LRFN5: variants seen among roughly 807,000 people sequenced by gnomAD.
LRFN5 encodes the protein leucine rich repeat and fibronectin type III domain containing 5, also known as leucine-rich repeat and fibronectin type-III domain-containing protein 5.
Under a neutral mutation model 45.6 loss-of-function variants are expected in LRFN5, and 24 were observed. The observed-to-expected ratio is 0.53, with a 90% CI of 0.38 to 0.74. The LOEUF is 0.74. Ranked by LOEUF, LRFN5 falls within the 30% of genes least tolerant of loss-of-function variation. LRFN5 has a pLI of 0.00. For missense variants in LRFN5, 776 were observed against 861.5 expected, an observed-to-expected ratio of 0.90 and a Z score of 1.24; for synonymous variants, 340 against 313.8, an observed-to-expected ratio of 1.08 and a Z score of -0.88.
At chr14:41,862,478 CTTT>C (rs922560717) in intron 2 of LRFN5, among the ~76,000 whole-genome samples, 3 of 151,944 alleles carry the variant, frequency 2.0e-5, no homozygotes, top group African/African-American at 7.2e-5. Flanking sequence ...TGAATTCCTT[CTTT>C]TTTTTCGTGA....
At chr14:41,824,605 C>A (rs191833443) in intron 2 of LRFN5, among the ~76,000 whole-genome samples, 1 of 152,262 alleles carries the variant, frequency 6.6e-6, no homozygotes, top group East Asian at 1.9e-4. Flanking sequence ...TGTAGTTCTA[C>A]CTCCAGGCCA....
intron 2 of LRFN5, among the ~76,000 whole-genome samples, chr14:41,841,784 A>G (rs966059038): frequency 6.6e-6 from 1 of 151,920 alleles, no homozygotes; most frequent in South Asian, 2.1e-4. Context: ...ATATCAGCCC[A>G]TCAGATCTTA....
At chr14:41,654,007 T>C (rs926132297) in intron 1 of LRFN5, among the ~76,000 whole-genome samples, 8 of 151,712 alleles carry the variant, frequency 5.3e-5, no homozygotes, top group Non-Finnish European at 8.8e-5. Context: ...ATGAGAACAC[T>C]TGGGCACAGG....
chr14:41,808,872 G>A (rs982580848), intron 2 of LRFN5, among the ~76,000 whole-genome samples: 1 of 151,952 alleles, frequency 6.6e-6, no homozygotes, highest in East Asian at 1.9e-4. Context: ...TCCTAATCAC[G>A]ACCCTGCATT....
chr14:41,739,360 G>C (rs77540502), intron 1 of LRFN5, among the ~76,000 whole-genome samples: 1 of 151,720 alleles, frequency 6.6e-6, no homozygotes, highest in Non-Finnish European at 1.5e-5. Context: ...ACTCCAGCCT[G>C]AGTGGCAGAG....
chr14:41,883,542 T>C (rs1468658918), intron 2 of LRFN5, among the ~76,000 whole-genome samples: 1 of 152,170 alleles, frequency 6.6e-6, no homozygotes, highest in Non-Finnish European at 1.5e-5. Context: ...TCTTACCTTG[T>C]TTTCATCTTT....
At chr14:41,680,488 C>T (rs559078865) in intron 1 of LRFN5, among the ~76,000 whole-genome samples, 87 of 152,292 alleles carry the variant, frequency 5.7e-4, no homozygotes, top group African/African-American at 1.6e-3. Context: ...CAAGGGAATT[C>T]TTCCAGATCT....
chr14:41,653,352 T>C (rs1000307398), intron 1 of LRFN5, among the ~76,000 whole-genome samples: 1 of 152,162 alleles, frequency 6.6e-6, no homozygotes, highest in Admixed American at 6.6e-5. Context: ...AGGTGTAAGG[T>C]AGGGTTCAGT....
intron 2 of LRFN5, among the ~76,000 whole-genome samples, chr14:41,795,787 GA>G (rs1210147086): frequency 2.0e-5 from 3 of 151,894 alleles, no homozygotes; most frequent in Non-Finnish European, 2.9e-5. Context: ...AGGTTGGGGG[GA>G]GGGGGGAGGA....
intron 2 of LRFN5, among the ~76,000 whole-genome samples, chr14:41,783,336 T>C (rs548874270): frequency 3.9e-5 from 6 of 152,122 alleles, no homozygotes; most frequent in Non-Finnish European, 7.4e-5. Flanking sequence ...CAGCTGCTGC[T>C]CCAGGTAAGC....
intron 1 of LRFN5, among the ~76,000 whole-genome samples, chr14:41,671,635 T>TTTTTTTTTTTTTC (rs1881236035): frequency 6.8e-6 from 1 of 147,062 alleles, no homozygotes; most frequent in African/African-American, 2.5e-5. Flanking sequence ...TTTTTTTTTT[T>TTTTTTTTTTTTTC]TTACGGAGTT....
intron 1 of LRFN5, among the ~76,000 whole-genome samples, chr14:41,702,922 T>C (rs1364312811): frequency 6.6e-6 from 1 of 152,078 alleles, no homozygotes; most frequent in East Asian, 1.9e-4. Context: ...GAGGCTAAAA[T>C]AGTTCAAAGT....
intron 1 of LRFN5, among the ~76,000 whole-genome samples, chr14:41,633,627 T>A (rs377643033): frequency 1.3e-5 from 2 of 152,248 alleles, no homozygotes; most frequent in East Asian, 3.9e-4. Context: ...TCCATAAAAG[T>A]CATTGCAATT....
At chr14:41,611,885 A>G (rs1887770487) in intron 1 of LRFN5, among the ~76,000 whole-genome samples, 1 of 152,156 alleles carries the variant, frequency 6.6e-6, no homozygotes, top group African/African-American at 2.4e-5. Context: ...CTGTGGGAGA[A>G]TACCCCCACC....
chr14:41,758,510 GA>G (rs1468205517), intron 1 of LRFN5, among the ~76,000 whole-genome samples: 1 of 152,148 alleles, frequency 6.6e-6, no homozygotes, highest in Admixed American at 6.5e-5. Flanking sequence ...AGCCTATGGA[GA>G]CATTTTAAAA....
chr14:41,687,176 G>A (rs1426218417), intron 1 of LRFN5, among the ~76,000 whole-genome samples: 1 of 152,116 alleles, frequency 6.6e-6, no homozygotes, highest in Non-Finnish European at 1.5e-5. Context: ...AATGGTCAAA[G>A]GATATGAACA....
At chr14:41,852,316 A>G (rs1218141917) in intron 2 of LRFN5, among the ~76,000 whole-genome samples, 3 of 151,924 alleles carry the variant, frequency 2.0e-5, no homozygotes, top group African/African-American at 7.2e-5. Flanking sequence ...GTAAAGGAAG[A>G]CAACCTTCTA....
chr14:41,874,665 C>T (rs1343486972), intron 2 of LRFN5, among the ~76,000 whole-genome samples: 1 of 152,052 alleles, frequency 6.6e-6, no homozygotes, highest in African/African-American at 2.4e-5. Context: ...GGGGAATGTA[C>T]CTTTCACAAA....
intron 1 of LRFN5, among the ~76,000 whole-genome samples, chr14:41,683,843 A>C (rs985758738): frequency 6.6e-6 from 1 of 152,220 alleles, no homozygotes; most frequent in Non-Finnish European, 1.5e-5. Context: ...AGATGTGAAG[A>C]ATCAGTATTA....
Sources: allele counts gnomAD v4.1 joint callset (sites outside exome capture counted in the v4.1 genomes callset), GRCh38; gene constraint gnomAD v4.1.1; transcripts MANE v1.5; gene names NCBI Gene and HGNC (gene_info 2026-07-23, HGNC 2026-07-21).